PLEKHG1: variants seen among roughly 807,000 people sequenced by gnomAD.
PLEKHG1 encodes the protein pleckstrin homology and RhoGEF domain containing G1, also known as pleckstrin homology domain-containing family G member 1.
PLEKHG1 carries 44 observed loss-of-function variants against 100.8 expected under a neutral mutation model. The ratio of observed to expected loss-of-function variants is 0.44; its 90% CI spans 0.34 to 0.56. The LOEUF (loss-of-function observed/expected upper bound fraction) is 0.56. PLEKHG1 is among the 20% of genes least tolerant of loss of function. PLEKHG1 has a pLI of 0.01. For synonymous variants in PLEKHG1, 640 were observed against 662.5 expected (o/e 0.97, Z 0.52); for missense variants, 1,545 against 1,720.9 (o/e 0.90, Z 1.81).
rs1266023196 is a variant in PLEKHG1 at position 150,600,597 on chromosome 6, C to A, written c.-204+580C>A. On this transcript the variant is annotated intron_variant, in intron 1 of 3. Transcript: ENST00000367326. This position sits in a 1 kb window ranked among gnomAD's most constrained non-coding sequence, Gnocchi z 6.2. ...GGGGCGCCCCCGTTCTGCAGATGCG[C>A]TTTTCAGGGGGTGGGGAGTCAAGAG... is the stretch of plus-strand genomic sequence containing the variant. Among the ~76,000 whole-genome samples the A allele has an allele frequency of 6.6e-6, 1 of 152,200 alleles. No individual in the cohort carries two copies. The highest frequency in any genetic ancestry group is 2.1e-4 in the South Asian group (1 of 4,834).
intron 6 of PLEKHG1, among the ~76,000 whole-genome samples, chr6:150,804,373 A>T (rs1296853208): frequency 6.7e-6 from 1 of 149,802 alleles, no homozygotes; most frequent in Non-Finnish European, 1.5e-5. Flanking sequence ...TTTAGGAGAG[A>T]CAGGGTTTCA....
At chr6:150,617,522 A>G (rs1241127046) in intron 1 of PLEKHG1, among the ~76,000 whole-genome samples, 1 of 152,216 alleles carries the variant, frequency 6.6e-6, no homozygotes, top group Admixed American at 6.5e-5. Flanking sequence ...GGCTTTTAGA[A>G]GAAGACTGTT....
At chr6:150,797,991 C>T (rs1166297472) in intron 5 of PLEKHG1, among the ~76,000 whole-genome samples, 1 of 151,940 alleles carries the variant, frequency 6.6e-6, no homozygotes, top group Non-Finnish European at 1.5e-5. Flanking sequence ...AATAGAACCA[C>T]ATGCATATTA....
intron 3 of PLEKHG1, among the ~76,000 whole-genome samples, chr6:150,705,543 G>A (rs1780970823): frequency 6.6e-6 from 1 of 152,250 alleles, no homozygotes; most frequent in Non-Finnish European, 1.5e-5. Flanking sequence ...CCTGCCAGGA[G>A]GTGTGCTGGA....
chr6:150,650,485 C>T (rs1778686571), intron 2 of PLEKHG1, among the ~76,000 whole-genome samples: 1 of 152,224 alleles, frequency 6.6e-6, no homozygotes, highest in African/African-American at 2.4e-5. Context: ...CAGTAACTTT[C>T]TAATACCACA....
chr6:150,669,836 G>A (rs758355854), intron 3 of PLEKHG1, among the ~76,000 whole-genome samples: 3 of 152,008 alleles, frequency 2.0e-5, no homozygotes, highest in East Asian at 3.9e-4. Flanking sequence ...GACCTCAGGC[G>A]ATCCACCCAC....
chr6:150,740,029 G>A (rs894103152), intron 2 of PLEKHG1, among the ~76,000 whole-genome samples: 3 of 152,204 alleles, frequency 2.0e-5, no homozygotes, highest in Admixed American at 2.0e-4. Flanking sequence ...CTTATGCTGG[G>A]GAAGCAAACC....
chr6:150,729,076 A>G (rs924516190), intron 1 of PLEKHG1, among the ~76,000 whole-genome samples: 2 of 152,004 alleles, frequency 1.3e-5, no homozygotes, highest in Non-Finnish European at 2.9e-5. Flanking sequence ...CTCAATTCAG[A>G]CTGACTGTGT....
At chr6:150,669,722 G>A (rs530465793) in intron 3 of PLEKHG1, among the ~76,000 whole-genome samples, 6 of 150,540 alleles carry the variant, frequency 4.0e-5, no homozygotes, top group East Asian at 2.0e-4. Context: ...TCAGCCTCCC[G>A]AGTAGCTGGG....
intron 3 of PLEKHG1, among the ~76,000 whole-genome samples, chr6:150,695,334 T>C (rs1055158550): frequency 1.3e-5 from 2 of 152,240 alleles, no homozygotes; most frequent in African/African-American, 4.8e-5. Context: ...CGTTGTCCTT[T>C]GATTTTTAGG....
At chr6:150,703,613 AAC>A (rs200175035) in intron 3 of PLEKHG1, among the ~76,000 whole-genome samples, 6,384 of 150,904 alleles carry the variant, frequency 0.042, 491 homozygotes, top group African/African-American at 0.15. Flanking sequence ...AAAAAAAAAA[AAC>A]AAAACAACTT....
At chr6:150,774,886 A>T (rs989373690) in intron 3 of PLEKHG1, among the ~76,000 whole-genome samples, 2 of 152,124 alleles carry the variant, frequency 1.3e-5, no homozygotes, top group African/African-American at 4.8e-5. Context: ...AATTAAAAAA[A>T]ATTTTTTTTC....
At position 150,600,616 on chromosome 6, in the gene PLEKHG1, T is replaced by A. The variant is rs902276217; in HGVS notation, c.-204+599T>A. ...GATGCGCTTTTCAGGGGGTGGGGAG[T>A]CAAGAGCCTGTGGCTCTTCCGTCAC... On this transcript the variant is annotated intron_variant, in intron 1 of 3. Transcript: ENST00000367326. The surrounding 1 kb of genome is among the most constrained non-coding windows in gnomAD (Gnocchi z 6.2). 6.6e-6 allele frequency among the ~76,000 whole-genome samples: 1 copy of A among 151,974 alleles called. No homozygotes were observed. Among genetic ancestry groups the A allele is most frequent in the African/African-American group, 2.4e-5 (1 of 41,356 alleles).
chr6:150,769,593 AAAAAAAAAAAG>A (rs2128640245), intron 3 of PLEKHG1, among the ~76,000 whole-genome samples: 1 of 151,514 alleles, frequency 6.6e-6, no homozygotes, highest in East Asian at 1.9e-4. Context: ...TCAAAAAAAA[AAAAAAAAAAAG>A]AAAGAAAAAA....
At chr6:150,819,188 C>T (rs1294323752) in intron 11 of PLEKHG1, among the ~76,000 whole-genome samples, 1 of 149,618 alleles carries the variant, frequency 6.7e-6, no homozygotes, top group African/African-American at 2.5e-5. Flanking sequence ...TCCTAGAAGT[C>T]CCAATGTAAA....
intron 1 of PLEKHG1, among the ~76,000 whole-genome samples, chr6:150,627,509 TA>T (rs558771243): frequency 2.8e-4 from 43 of 151,514 alleles, no homozygotes; most frequent in Non-Finnish European, 5.3e-4. Flanking sequence ...CAGTGGCCTT[TA>T]AAAAAAAATC....
intron 1 of PLEKHG1, among the ~76,000 whole-genome samples, chr6:150,637,769 G>A (rs961949577): frequency 8.6e-5 from 13 of 151,850 alleles, no homozygotes; most frequent in African/African-American, 1.7e-4. Context: ...TTTTGTCATC[G>A]GTCCTTTTAT....
Position 150,600,540 on chromosome 6 carries a change from G to A in PLEKHG1, c.-204+523G>A, listed in dbSNP as rs529261949. On this transcript the variant is annotated intron_variant, in intron 1 of 3. Transcript: ENST00000367326. The surrounding 1 kb of genome is among the most constrained non-coding windows in gnomAD (Gnocchi z 6.2). ...GGACCCGGGGACGCGCGGTGGGGGCGGCGGCCGAGCTGCTGCGGCGCTCAG... is the reference window on the plus strand; with the variant it reads ...GGACCCGGGGACGCGCGGTGGGGGCAGCGGCCGAGCTGCTGCGGCGCTCAG... Among the ~76,000 whole-genome samples the A allele has an allele frequency of 2.0e-5, 3 of 152,332 alleles. No individual in the cohort carries two copies. The highest frequency in any genetic ancestry group is 4.8e-5 in the African/African-American group (2 of 41,578).
exon 16 of PLEKHG1, chr6:150,843,495 C>A (rs540661732): frequency 6.6e-6 from 1 of 152,244 alleles, no homozygotes; most frequent in African/African-American, 2.4e-5. Context: ...CAAGTTCTTA[C>A]TAGTTTCCTG....
Sources: gnomAD v4.1 joint callset for allele counts (sites outside exome capture counted in the v4.1 genomes callset) on GRCh38, gnomAD v4.1.1 for gene constraint, Gnocchi (gnomAD v3.1) non-coding constraint, MANE v1.5 for transcripts, NCBI Gene and HGNC (gene_info 2026-07-23, HGNC 2026-07-21) for gene names.